The following RASA1 variants were observed in gnomAD, a reference collection of about 807,000 sequenced individuals.
RASA1 encodes RAS p21 protein activator 1, also known as ras GTPase-activating protein 1.
RASA1 carries 25 observed loss-of-function variants against 132.2 expected under a neutral mutation model. The ratio of observed to expected loss-of-function variants is 0.19; its 90% CI spans 0.14 to 0.26. The LOEUF is 0.26. Among genes scored for constraint, RASA1 ranks in the 10% least tolerant of loss-of-function variants. The pLI, the probability that RASA1 is intolerant of heterozygous loss-of-function variation, is 1.00. For missense variants in RASA1, 964 were observed against 1,299.2 expected (o/e 0.74, Z 3.97); for synonymous variants, 477 against 449.9 (o/e 1.06, Z -0.76).
intron 22 of RASA1, 44 bp downstream of exon 22, chr5:87,385,433 G>A (rs994219526): frequency 7.1e-7 from 1 of 1,399,810 alleles, no homozygotes; most frequent in Non-Finnish European, 1.0e-6. Context: ...ATGAATGCAA[G>A]TTTGACATGA....
Position 87,268,405 on chromosome 5 carries a change from G to A in RASA1, c.-47G>A. ...TCGGAGCCCGGGCCTGGTGGCCCCTGGGGCTCCCGGGCGGGCAGGGTAGGG... is the reference window on the plus strand; with the variant it reads ...TCGGAGCCCGGGCCTGGTGGCCCCTAGGGCTCCCGGGCGGGCAGGGTAGGG... On this transcript the variant is annotated 5_prime_UTR_variant, in exon 1 of 25. Coordinates refer to ENST00000274376, the MANE Select transcript of RASA1 (RefSeq NM_002890.3). 2.0e-6 allele frequency: 3 copies of A among 1,485,392 alleles called. No individual in the cohort carries two copies. In the South Asian group the frequency reaches 4.1e-5, roughly 20 times the overall value. 92.0% of individuals were successfully genotyped at this position (1,485,392 alleles called of 1,614,324 possible).
chr5:87,391,574 TTTG>T lies in RASA1; in HGVS notation c.*694_*696del, dbSNP rs1478125181. The T allele has an allele frequency of 4.2e-6, 1 of 235,676 alleles. No individual in the cohort carries two copies. Among genetic ancestry groups the T allele is most frequent in the African/African-American group, 2.2e-5 (1 of 45,344 alleles). 14.6% of individuals were successfully genotyped at this position (235,676 alleles called of 1,614,324 possible). On this transcript the variant is annotated 3_prime_UTR_variant, in exon 25 of 25. Coordinates refer to ENST00000274376, the MANE Select transcript of RASA1 (RefSeq NM_002890.3). ...AGACTGTATTTAGATCTCATAATGC[TTTG>T]TTAAATGTTTACAAGTAAATAGTTT...
Position 87,268,898 on chromosome 5 carries a change from C to T in RASA1, c.447C>T (p.Gly149=), listed in dbSNP as rs753035736. The change falls in exon 1 of 25, where the codon GGC becomes GGT. Residue 149 remains glycine (G), a synonymous_variant. Coordinates refer to ENST00000274376, the MANE Select transcript of RASA1 (RefSeq NM_002890.3). ...CTTACCTGCCCCCTTTGGGGGCGGGCCTCGGGACAGTGGACGAAGGTGACT... is the reference window on the plus strand; with the variant it reads ...CTTACCTGCCCCCTTTGGGGGCGGGTCTCGGGACAGTGGACGAAGGTGACT... ...PPPYLPPLGA[G]LGTVDEGDSL... 1 of 1,614,190 alleles carries T rather than the reference C, an allele frequency of 6.2e-7. No individual in the cohort carries two copies. Among genetic ancestry groups the T allele is most frequent in the African/African-American group, 1.3e-5 (1 of 75,062 alleles).
chr5:87,387,871 T>C (rs537734843), intron 23 of RASA1, among the ~76,000 whole-genome samples: 6 of 152,308 alleles, frequency 3.9e-5, no homozygotes, highest in South Asian at 2.1e-4. Context: ...TGGTCAATCA[T>C]TGGAAAATAT....
intron 1 of RASA1, among the ~76,000 whole-genome samples, chr5:87,329,281 CAAAA>C (rs571157213): frequency 8.4e-6 from 1 of 119,160 alleles, no homozygotes. Context: ...TCTGTCTCTC[CAAAA>C]AAAAAAAAAA....
In RASA1 at chr5:87,390,847, A is replaced by T; in HGVS notation, c.3108A>T (p.Lys1036Asn). 2.5e-6 allele frequency: 4 copies of T among 1,613,758 alleles called. No individual in the cohort carries two copies. Among genetic ancestry groups the T allele is most frequent in the Non-Finnish European group, 3.4e-6 (4 of 1,179,648 alleles). The change falls in exon 25 of 25, where the codon AAA (lysine) becomes AAT (asparagine). Residue 1036 changes from lysine (K) to asparagine (N), a missense_variant. Physicochemically the swap from Lys to Asn is moderately conservative, Grantham distance 94. This residue lies in a region of RASA1 where 107 missense variants were observed against 163.8 expected (regional missense o/e 0.65). Transcript: ENST00000274376. ...CTATAACAGAACTGCTTCAACAAAA[A>T]CAAAACCAGTATACAAAAACCAATG... ...LLAITELLQQ[K>N]QNQYTKTNDV...
intron 22 of RASA1, 76 bp from the exon 23 acceptor site, chr5:87,386,750 T>C (rs1039123512): frequency 2.3e-6 from 3 of 1,315,722 alleles, no homozygotes; most frequent in Non-Finnish European, 3.3e-6. Flanking sequence ...TTAACTGTAA[T>C]TACTTTTGCA....
At chr5:87,286,825 C>A (rs1438783042) in intron 1 of RASA1, among the ~76,000 whole-genome samples, 1 of 149,764 alleles carries the variant, frequency 6.7e-6, no homozygotes, top group Admixed American at 6.6e-5. Flanking sequence ...CACACACACT[C>A]ACATATATAT....
intron 1 of RASA1, among the ~76,000 whole-genome samples, chr5:87,300,276 C>T (rs967345599): frequency 1.3e-5 from 2 of 152,078 alleles, no homozygotes; most frequent in African/African-American, 4.8e-5. Flanking sequence ...ACTTGGGAGG[C>T]TGGGGTAGGA....
chr5:87,279,219 G>T (rs1453581146), intron 1 of RASA1, among the ~76,000 whole-genome samples: 1 of 152,114 alleles, frequency 6.6e-6, no homozygotes, highest in African/African-American at 2.4e-5. Context: ...CTCCAGCCTG[G>T]GTGACAGAAT....
chr5:87,291,615 G>C (rs1424883708), intron 1 of RASA1, among the ~76,000 whole-genome samples: 1 of 152,188 alleles, frequency 6.6e-6, no homozygotes, highest in Non-Finnish European at 1.5e-5. Flanking sequence ...GGTCATGGGG[G>C]AGGATCCCTC....
At chr5:87,379,967 C>T (rs1761595336) in intron 19 of RASA1, 117 bp downstream of exon 19, 3 of 1,063,212 alleles carry the variant, frequency 2.8e-6, no homozygotes, top group Non-Finnish European at 4.1e-6. Context: ...CTGAAAAAGT[C>T]ATGGTTAATC....
At position 87,376,611 on chromosome 5, in the gene RASA1, A is replaced by G; in HGVS notation, c.2184+46A>G. ...CTTGTTTTTGTTGGAATTAACAGAAACATTTAACATTTAATAAAAGATCCA... is the reference window on the plus strand; with the variant it reads ...CTTGTTTTTGTTGGAATTAACAGAAGCATTTAACATTTAATAAAAGATCCA... On this transcript the variant is annotated intron_variant, in intron 16 of 24. Transcript: ENST00000274376. The G allele has an allele frequency of 1.9e-6, 3 of 1,569,494 alleles. 1 individual carries two copies. The highest frequency in any genetic ancestry group is 3.3e-5 in the Admixed American group (2 of 59,778).
intron 9 of RASA1, among the ~76,000 whole-genome samples, chr5:87,357,457 C>T (rs539661365): frequency 6.6e-5 from 10 of 152,102 alleles, no homozygotes; most frequent in African/African-American, 2.4e-4. Flanking sequence ...ATACATTTCC[C>T]CATACTGAAT....
intron 9 of RASA1, among the ~76,000 whole-genome samples, chr5:87,356,828 G>A (rs1759688674): frequency 6.6e-6 from 1 of 152,108 alleles, no homozygotes. Context: ...TTATTGTGGT[G>A]GTCTGGAGCC....
chr5:87,345,772 C>T (rs917964957), intron 6 of RASA1, among the ~76,000 whole-genome samples: 14 of 151,988 alleles, frequency 9.2e-5, no homozygotes, highest in African/African-American at 3.1e-4. Context: ...ATATTTTAGT[C>T]GTATATTTAC....
chr5:87,377,292 A>G (rs1457661341), intron 17 of RASA1: 1 of 501,476 alleles, frequency 2.0e-6, no homozygotes, highest in South Asian at 2.1e-5. Flanking sequence ...ATCTGTGTCT[A>G]CATCAATGGC....
intron 11 of RASA1, among the ~76,000 whole-genome samples, chr5:87,366,049 T>C (rs1184351457): frequency 6.6e-6 from 1 of 152,146 alleles, no homozygotes; most frequent in Non-Finnish European, 1.5e-5. Flanking sequence ...AAGAAAAGTT[T>C]TGATAAAAGT....
In RASA1 at chr5:87,372,175, T is replaced by A; in HGVS notation, c.1756T>A (p.Ser586Thr). 1 of 1,613,688 alleles carries A rather than the reference T, an allele frequency of 6.2e-7. No homozygotes were observed. Residue 586 changes from serine to threonine, a missense_variant, in exon 13 of 25, where the codon TCC becomes ACC. By Grantham distance (58) the Ser-to-Thr change is moderately conservative (BLOSUM62 1). Around this residue, in one of 6 missense-constraint regions of RASA1, gnomAD observed 346 missense variants for 520.1 expected, o/e 0.67. Coordinates refer to ENST00000274376, the MANE Select transcript of RASA1 (RefSeq NM_002890.3). ...CNLRKSSPGT[S>T]NKRLRQVSSL... is the part of the protein sequence containing the mutation. ...TTTACGGAAAAGTAGTCCAGGGACA[T>A]CCAATAAACGCCTTCGTCAGGTGAA... is the stretch of plus-strand genomic sequence containing the variant.
Sources: allele counts gnomAD v4.1 joint callset (sites outside exome capture counted in the v4.1 genomes callset), GRCh38; gene constraint gnomAD v4.1.1; regional missense constraint gnomAD v4.1.1; transcripts MANE v1.5; gene names NCBI Gene and HGNC (gene_info 2026-07-23, HGNC 2026-07-21).